ARMC7: variants seen among roughly 807,000 people sequenced by gnomAD.
The protein encoded by ARMC7 is armadillo repeat-containing protein 7.
A neutral mutation model predicts 14.8 loss-of-function variants in ARMC7; 9 were observed. The observed-to-expected ratio is 0.61, with a 90% CI of 0.37 to 1.06. ARMC7 has a LOEUF of 1.06. Ranked by LOEUF, ARMC7 falls within the 50% of genes least tolerant of loss-of-function variation. The pLI is 0.01. For synonymous variants in ARMC7, 125 were observed against 123.4 expected, an observed-to-expected ratio of 1.01 and a Z score of -0.09; for missense variants, 262 against 267.1, an observed-to-expected ratio of 0.98 and a Z score of 0.13.
At position 75,110,196 on chromosome 17, in the gene ARMC7, C is replaced by A. The variant is rs2145109433; in HGVS notation, c.-93C>A. 8.1e-7 allele frequency: 1 copy of A among 1,231,534 alleles called. No individual in the cohort carries two copies. Among genetic ancestry groups the A allele is most frequent in the South Asian group, 1.5e-5 (1 of 65,772 alleles). The allele number at this position is 1,231,534 out of a possible 1,614,324, so 76.3% of individuals were successfully genotyped here. ...GCCGACCCCCTCTTCCCTCTCCAGA[C>A]AGGTGGAGAGCGGGTGAGGGTCTCG... On this transcript the variant is annotated 5_prime_UTR_variant, in exon 1 of 3. Transcript: ENST00000245543.
rs1370820213 is a variant in ARMC7 at position 75,129,404 on chromosome 17, C to G, written c.*366C>G. The G allele has an allele frequency of 1.1e-5, 3 of 277,896 alleles. No homozygotes were observed. The highest frequency in any genetic ancestry group is 2.0e-5 in the Non-Finnish European group (3 of 147,994). 17.2% of individuals were successfully genotyped at this position (277,896 alleles called of 1,614,324 possible). A position where few individuals can be genotyped will look rare whatever the true frequency, so the allele number is the denominator to read the frequency against. On this transcript the variant is annotated 3_prime_UTR_variant, in exon 3 of 3. Coordinates refer to ENST00000245543, the MANE Select transcript of ARMC7 (RefSeq NM_024585.4). ...GCCTGAGGCTTAGGAGAGCTGCCTTCGCTGCAGGAAATCAGGGATTATCCC... is the reference window on the plus strand; with the variant it reads ...GCCTGAGGCTTAGGAGAGCTGCCTTGGCTGCAGGAAATCAGGGATTATCCC...
At chr17:75,126,910 A>C (rs1210722854) in intron 2 of ARMC7, among the ~76,000 whole-genome samples, 1 of 151,998 alleles carries the variant, frequency 6.6e-6, no homozygotes, top group Non-Finnish European at 1.5e-5. Flanking sequence ...AAAATACAAA[A>C]ATTTAGCCGG....
rs901163750 is a variant in ARMC7, at chr17:75,110,006, C to A, written c.-283C>A. On this transcript the variant is annotated 5_prime_UTR_variant, in exon 1 of 3. Transcript: ENST00000245543. ...AGGAGCCGGGGACGGTGCGCCAGTG[C>A]CCCCTCCGCGAGCCCCAACCAGTAG... 7 of 372,620 alleles carry A rather than the reference C, an allele frequency of 1.9e-5. No individual in the cohort carries two copies. The East Asian group carries it at 3.6e-4, about 19-fold the overall frequency. The allele number at this position is 372,620 out of a possible 1,614,324, so 23.1% of individuals were successfully genotyped here. A position where few individuals can be genotyped will look rare whatever the true frequency, so the allele number is the denominator to read the frequency against.
At chr17:75,127,216 A>T (rs537094137) in intron 2 of ARMC7, among the ~76,000 whole-genome samples, 1 of 152,290 alleles carries the variant, frequency 6.6e-6, no homozygotes, top group East Asian at 1.9e-4. Flanking sequence ...CCATCTCAGA[A>T]AACTGACCAA....
chr17:75,110,665 A>T, intron 2 of ARMC7, 59 bp downstream of exon 2: 1 of 1,598,922 alleles, frequency 6.3e-7, no homozygotes, highest in South Asian at 1.1e-5. Context: ...TAAGTGAATT[A>T]GAAGTGAGTC....
chr17:75,125,253 TC>T (rs1005839060), intron 2 of ARMC7, among the ~76,000 whole-genome samples: 5 of 152,028 alleles, frequency 3.3e-5, no homozygotes, highest in African/African-American at 7.2e-5. Context: ...TTGAACCCTT[TC>T]CCCCCCGGGT....
In ARMC7 at chr17:75,129,003, C is replaced by G. The variant is rs772460119; in HGVS notation, c.562C>G (p.Pro188Ala). The G allele has an allele frequency of 3.8e-6, 6 of 1,599,856 alleles. No homozygotes were observed. Among genetic ancestry groups the G allele is most frequent in the Non-Finnish European group, 3.4e-6 (4 of 1,179,600 alleles). Residue 188 changes from proline to alanine, a missense_variant, in exon 3 of 3, where the codon CCA becomes GCA. Transcript: ENST00000245543. ...GCAGGCGCACTCTGCCCTGGGTATC[C>G]CACTGCCGAGGAGCGTGGCCCCACG... Reference protein sequence around the residue: ...SRQAHSALGIPLPRSVAPRQR With the variant: ...SRQAHSALGIALPRSVAPRQR
chr17:75,129,749 G>C lies in ARMC7; in HGVS notation c.*711G>C, dbSNP rs1254370086. 1 of 152,510 alleles carries C rather than the reference G, an allele frequency of 6.6e-6. No homozygotes were observed. The highest frequency in any genetic ancestry group is 1.5e-5 in the Non-Finnish European group (1 of 68,308). The allele number at this position is 152,510 out of a possible 1,614,324, so 9.4% of individuals were successfully genotyped here. On this transcript the variant is annotated 3_prime_UTR_variant, in exon 3 of 3. Transcript: ENST00000245543. ...CACAAGGCCATGCAGGTGATGATAC[G>C]TCGGAATAGAGGCACCAGCCCTGGT...
At chr17:75,110,675 C>A in intron 2 of ARMC7, 69 bp downstream of exon 2, 1 of 1,583,722 alleles carries the variant, frequency 6.3e-7, no homozygotes. Flanking sequence ...AGAAGTGAGT[C>A]CTTGGGGCCG....
In ARMC7 at chr17:75,129,174, CA is replaced by C; in HGVS notation, c.*137del. ...TGAAAGGCGGGTTCTTTCAGCAGGA[CA>C]GGCATTTACACTGATGAAACGCCAC... is the stretch of plus-strand genomic sequence containing the variant. On this transcript the variant is annotated 3_prime_UTR_variant, in exon 3 of 3. Transcript: ENST00000245543. 3.2e-6 allele frequency: 4 copies of C among 1,250,348 alleles called. No homozygotes were observed. The highest frequency in any genetic ancestry group is 4.3e-6 in the Non-Finnish European group (4 of 927,092). The allele number at this position is 1,250,348 out of a possible 1,614,324, so 77.5% of individuals were successfully genotyped here.
chr17:75,115,301 A>G (rs576814664), intron 2 of ARMC7, among the ~76,000 whole-genome samples: 147 of 152,232 alleles, frequency 9.7e-4, no homozygotes, highest in African/African-American at 3.5e-3. Context: ...CCCATTTGGG[A>G]GGCCGAGGGG....
intron 2 of ARMC7, among the ~76,000 whole-genome samples, chr17:75,121,118 C>T (rs1201365757): frequency 2.6e-5 from 4 of 152,194 alleles, no homozygotes; most frequent in Non-Finnish European, 5.9e-5. Flanking sequence ...TTATGTTTTT[C>T]AGATTCATCC....
At chr17:75,125,743 T>G (rs2074046991) in intron 2 of ARMC7, among the ~76,000 whole-genome samples, 1 of 152,082 alleles carries the variant, frequency 6.6e-6, no homozygotes, top group South Asian at 2.1e-4. Flanking sequence ...CTTGGGAGGC[T>G]GAGGCAAGAG....
At chr17:75,125,040 G>A (rs1223002832) in intron 2 of ARMC7, among the ~76,000 whole-genome samples, 2 of 152,206 alleles carry the variant, frequency 1.3e-5, no homozygotes, top group African/African-American at 2.4e-5. Flanking sequence ...AGGGCCCCAT[G>A]GGGAGAGGCG....
At position 75,129,204 on chromosome 17, in the gene ARMC7, G is replaced by C. The variant is rs181674497; in HGVS notation, c.*166G>C. Reference sequence around the variant, plus strand: ...ATTTACACTGATGAAACGCCACTGGGAGTGAGGAAGCCAGACTCCAGAGAC... The same window carrying C: ...ATTTACACTGATGAAACGCCACTGGCAGTGAGGAAGCCAGACTCCAGAGAC... On this transcript the variant is annotated 3_prime_UTR_variant, in exon 3 of 3. Coordinates refer to ENST00000245543, the MANE Select transcript of ARMC7 (RefSeq NM_024585.4). 1,706 of 980,908 alleles carry C rather than the reference G, an allele frequency of 1.7e-3. 9 individuals carry two copies. In the Middle Eastern group the frequency reaches 0.04, roughly 23 times the overall value. 60.8% of individuals were successfully genotyped at this position (980,908 alleles called of 1,614,324 possible). A position where few individuals can be genotyped will look rare whatever the true frequency, so the allele number is the denominator to read the frequency against.
chr17:75,124,404 T>G (rs2074036138), intron 2 of ARMC7, among the ~76,000 whole-genome samples: 1 of 152,166 alleles, frequency 6.6e-6, no homozygotes, highest in South Asian at 2.1e-4. Flanking sequence ...TTTTCCGCAG[T>G]CTGGGTGGCA....
chr17:75,124,600 G>A lies in ARMC7; in HGVS notation c.236-4077G>A, dbSNP rs185386694. On this transcript the variant is annotated intron_variant, in intron 2 of 2. Coordinates refer to ENST00000245543, the MANE Select transcript of ARMC7 (RefSeq NM_024585.4). ...CGGGTGTGTCTGAGCAGAAGAGTCCGACCACAGCACTTCCACTGCCCCTGC... is the reference window on the plus strand; with the variant it reads ...CGGGTGTGTCTGAGCAGAAGAGTCCAACCACAGCACTTCCACTGCCCCTGC... Among the ~76,000 whole-genome samples, 416 of 152,146 alleles carry A rather than the reference G, an allele frequency of 2.7e-3. 1 individual carries two copies. The highest frequency in any genetic ancestry group is 9.3e-3 in the African/African-American group (388 of 41,572).
chr17:75,128,597 C>CTCT, intron 2 of ARMC7, 80 bp from the exon 3 acceptor site: 1 of 1,527,824 alleles, frequency 6.5e-7, no homozygotes, highest in African/African-American at 1.4e-5. Context: ...AGCCTGGGCC[C>CTCT]CTACCTGGGG....
chr17:75,121,499 C>T (rs530840877), intron 2 of ARMC7, among the ~76,000 whole-genome samples: 1 of 152,138 alleles, frequency 6.6e-6, no homozygotes, highest in Non-Finnish European at 1.5e-5. Context: ...CTGCAACCTC[C>T]GCCTCCTGGG....
Sources: allele counts gnomAD v4.1 joint callset (sites outside exome capture counted in the v4.1 genomes callset), GRCh38; gene constraint gnomAD v4.1.1; transcripts MANE v1.5; gene names NCBI Gene and HGNC (gene_info 2026-07-23, HGNC 2026-07-21).